The following MGAT4C variants were observed in gnomAD, a reference collection of about 807,000 sequenced individuals.
MGAT4C encodes the protein alpha-1,3-mannosyl-glycoprotein 4-beta-N-acetylglucosaminyltransferase C.
Under a neutral mutation model 40.1 loss-of-function variants are expected in MGAT4C, and 19 were observed. The ratio of observed to expected loss-of-function variants is 0.47; its 90% CI spans 0.33 to 0.70. The LOEUF (loss-of-function observed/expected upper bound fraction) is 0.70, where lower values mean the gene tolerates loss of function less well. MGAT4C is among the 30% of genes least tolerant of loss of function. MGAT4C has a pLI of 0.02. For synonymous variants in MGAT4C, 181 were observed against 187.1 expected (o/e 0.97, Z 0.27); for missense variants, 491 against 563.2 (o/e 0.87, Z 1.30).
intron 1 of MGAT4C, among the ~76,000 whole-genome samples, chr12:86,076,289 C>T (rs1869687548): frequency 6.6e-6 from 1 of 152,182 alleles, no homozygotes; most frequent in African/African-American, 2.4e-5. Context: ...ACCACCTCAG[C>T]CTGGATCTTA....
chr12:86,714,255 A>T (rs1950606071), intron 2 of MGAT4C, among the ~76,000 whole-genome samples: 1 of 152,278 alleles, frequency 6.6e-6, no homozygotes, highest in Non-Finnish European at 1.5e-5. Context: ...TTCTACCTCC[A>T]TATATAAGTT....
At chr12:86,045,272 T>C (rs930542853) in intron 2 of MGAT4C, among the ~76,000 whole-genome samples, 1 of 152,348 alleles carries the variant, frequency 6.6e-6, no homozygotes, top group Non-Finnish European at 1.5e-5. Context: ...CATTCCTACA[T>C]TGCAGCGATT....
chr12:86,424,090 T>C (rs1362611128), intron 3 of MGAT4C, among the ~76,000 whole-genome samples: 7 of 152,234 alleles, frequency 4.6e-5, no homozygotes, highest in Admixed American at 4.6e-4. Flanking sequence ...TCTCTCTTCA[T>C]AGCTTAAACT....
In MGAT4C at chr12:85,961,421, G is replaced by A. The variant is rs1883104328; in HGVS notation, c.*17868C>T. On this transcript the variant is annotated 3_prime_UTR_variant, in exon 5 of 5. Coordinates refer to ENST00000611864, the MANE Select transcript of MGAT4C (RefSeq NM_001351288.2). ...AACAAAGGGAATGTGTCTGGGGATG[G>A]TACTAATAATATTGAGATTTTACAA... 1 of 151,630 alleles carries A rather than the reference G, an allele frequency of 6.6e-6. No individual in the cohort carries two copies. Among genetic ancestry groups the A allele is most frequent in the Admixed American group, 6.6e-5 (1 of 15,194 alleles). 9.4% of individuals were successfully genotyped at this position (151,630 alleles called of 1,614,324 possible).
At chr12:86,479,711 G>A (rs548062237) in intron 2 of MGAT4C, among the ~76,000 whole-genome samples, 2 of 151,932 alleles carry the variant, frequency 1.3e-5, no homozygotes, top group East Asian at 1.9e-4. Flanking sequence ...CTTTGTAAGC[G>A]AAATGACTTT....
chr12:86,339,866 A>C (rs576794469), intron 3 of MGAT4C, among the ~76,000 whole-genome samples: 1 of 152,200 alleles, frequency 6.6e-6, no homozygotes, highest in Non-Finnish European at 1.5e-5. Context: ...TCTTTTCCAA[A>C]TCTTAGATTG....
At chr12:86,070,306 TTTAC>T (rs1159807432) in intron 1 of MGAT4C, among the ~76,000 whole-genome samples, 1 of 152,094 alleles carries the variant, frequency 6.6e-6, no homozygotes, top group Non-Finnish European at 1.5e-5. Context: ...TGCCATATGA[TTTAC>T]TTACTTATTT....
intron 1 of MGAT4C, among the ~76,000 whole-genome samples, chr12:86,201,416 C>G (rs1240168869): frequency 6.8e-6 from 1 of 148,076 alleles, no homozygotes; most frequent in Non-Finnish European, 1.5e-5. Context: ...ATATTATAAG[C>G]CTTATAATAT....
intron 1 of MGAT4C, among the ~76,000 whole-genome samples, chr12:86,827,789 A>G (rs1952837143): frequency 6.6e-6 from 1 of 151,468 alleles, no homozygotes; most frequent in Admixed American, 6.6e-5. Context: ...TGACAATTTC[A>G]AAGTCAAATA....
chr12:86,145,816 T>C (rs1266294516), intron 1 of MGAT4C, among the ~76,000 whole-genome samples: 2 of 152,138 alleles, frequency 1.3e-5, no homozygotes, highest in Non-Finnish European at 2.9e-5. Flanking sequence ...CAGGCAAAAA[T>C]AGAGTTTCTC....
At chr12:86,475,435 T>C (rs1456335974) in intron 2 of MGAT4C, among the ~76,000 whole-genome samples, 1 of 151,964 alleles carries the variant, frequency 6.6e-6, no homozygotes, top group Non-Finnish European at 1.5e-5. Context: ...CATAAAGTCA[T>C]TATAAAATTG....
At chr12:86,285,139 A>G (rs1366113552) in intron 4 of MGAT4C, among the ~76,000 whole-genome samples, 1 of 152,032 alleles carries the variant, frequency 6.6e-6, no homozygotes, top group Admixed American at 6.6e-5. Flanking sequence ...GGGAGTAGAA[A>G]TGTACATCAT....
chr12:86,088,870 GCTGT>G (rs1872383327), intron 1 of MGAT4C, among the ~76,000 whole-genome samples: 1 of 151,916 alleles, frequency 6.6e-6, no homozygotes, highest in South Asian at 2.1e-4. Flanking sequence ...AACTTATTTT[GCTGT>G]CTTTTTCTTT....
At chr12:86,379,171 T>C (rs1034840641) in intron 3 of MGAT4C, among the ~76,000 whole-genome samples, 1 of 152,104 alleles carries the variant, frequency 6.6e-6, no homozygotes, top group Non-Finnish European at 1.5e-5. Context: ...TATAAATTTG[T>C]GGAAAAGTTA....
intron 1 of MGAT4C, among the ~76,000 whole-genome samples, chr12:86,061,916 C>A (rs1193231747): frequency 6.6e-6 from 1 of 152,168 alleles, no homozygotes; most frequent in African/African-American, 2.4e-5. Context: ...TGGGACAGAG[C>A]ACCTTGGGGA....
At chr12:86,013,463 C>T (rs1373330293) in intron 2 of MGAT4C, among the ~76,000 whole-genome samples, 4 of 151,984 alleles carry the variant, frequency 2.6e-5, no homozygotes, top group Non-Finnish European at 5.9e-5. Context: ...CTCTATACTT[C>T]CCCTCATAAA....
chr12:86,606,820 G>A (rs1716378423), intron 2 of MGAT4C, among the ~76,000 whole-genome samples: 2 of 152,184 alleles, frequency 1.3e-5, no homozygotes, highest in African/African-American at 4.8e-5. Context: ...GAGACCACTT[G>A]GATGTTTGGT....
rs149483656 is a variant in MGAT4C, at chr12:86,688,692, C to T, written c.-229+38517G>A. 8.7e-4 allele frequency among the ~76,000 whole-genome samples: 132 copies of T among 152,234 alleles called. 2 individuals carry two copies. The highest frequency in any genetic ancestry group is 3.1e-3 in the African/African-American group (127 of 41,532). On this transcript the variant is annotated intron_variant, in intron 2 of 7. Coordinates refer to the MGAT4C transcript ENST00000548651. Reference sequence around the variant, plus strand: ...TTGGCCCCCACTCTCTTCTAGCTTGCAGGGTTTCTACAGAGAGATCTGCTG... The same window carrying T: ...TTGGCCCCCACTCTCTTCTAGCTTGTAGGGTTTCTACAGAGAGATCTGCTG...
chr12:85,982,612 C>G (rs1464979742), intron 4 of MGAT4C, among the ~76,000 whole-genome samples: 1 of 152,140 alleles, frequency 6.6e-6, no homozygotes, highest in Non-Finnish European at 1.5e-5. Flanking sequence ...GATAATGGTA[C>G]TTTTTGTAAG....
Sources: allele counts gnomAD v4.1 joint callset (sites outside exome capture counted in the v4.1 genomes callset), GRCh38; gene constraint gnomAD v4.1.1; transcripts MANE v1.5; gene names NCBI Gene and HGNC (gene_info 2026-07-23, HGNC 2026-07-21).